Variants in TBCD observed in about 807,000 individuals in gnomAD.
TBCD encodes tubulin-specific chaperone D.
A neutral mutation model predicts 169.3 loss-of-function variants in TBCD; 105 were observed. The ratio of observed to expected loss-of-function variants is 0.62; its 90% CI spans 0.53 to 0.73. TBCD has a LOEUF of 0.73. Among genes scored for constraint, TBCD ranks in the 30% least tolerant of loss-of-function variants. The pLI is 0.00. For missense variants in TBCD, 1,444 were observed against 1,600.1 expected, an observed-to-expected ratio of 0.90 and a Z score of 1.66; for synonymous variants, 700 against 643.9, an observed-to-expected ratio of 1.09 and a Z score of -1.32.
intron 15 of TBCD, among the ~76,000 whole-genome samples, chr17:82,887,510 C>T (rs1198763643): frequency 2.0e-5 from 3 of 152,052 alleles, no homozygotes; most frequent in East Asian, 1.9e-4. Flanking sequence ...TGAGTGGTGC[C>T]GTGGTTTGTG....
intron 30 of TBCD, 38 bp from the exon 31 acceptor site, chr17:82,929,075 C>T (rs139105482): frequency 2.0e-4 from 312 of 1,589,742 alleles, no homozygotes; most frequent in Non-Finnish European, 2.5e-4. Flanking sequence ...CTTAATTTAC[C>T]GCCCGCCCTT....
At chr17:82,760,657 A>G (rs1191500118) in intron 2 of TBCD, among the ~76,000 whole-genome samples, 1 of 152,248 alleles carries the variant, frequency 6.6e-6, no homozygotes, top group East Asian at 1.9e-4. Flanking sequence ...ATTACATACT[A>G]TAGAGTTCAC....
chr17:82,941,335 C>T, intron 37 of TBCD, 64 bp from the exon 38 acceptor site: 1 of 1,416,910 alleles, frequency 7.1e-7, no homozygotes, highest in Non-Finnish European at 9.6e-7. Context: ...GACGCGGGAC[C>T]TCCGCACACC....
At chr17:82,799,435 C>G (rs2050334657) in intron 8 of TBCD, among the ~76,000 whole-genome samples, 1 of 39,830 alleles carries the variant, frequency 2.5e-5, no homozygotes, top group South Asian at 8.2e-4. Flanking sequence ...GAGCAAGACT[C>G]TGTCTCAAAA....
intron 13 of TBCD, among the ~76,000 whole-genome samples, chr17:82,855,333 C>T (rs182671374): frequency 5.2e-4 from 72 of 139,542 alleles, no homozygotes; most frequent in African/African-American, 1.5e-3. Context: ...GGTGTAGTCG[C>T]GGCTCACTGC....
chr17:82,753,684 C>T (rs1336047581), intron 1 of TBCD, among the ~76,000 whole-genome samples: 1 of 150,702 alleles, frequency 6.6e-6, no homozygotes, highest in Non-Finnish European at 1.5e-5. Flanking sequence ...AAACTCCTGA[C>T]CTCAAGTGGT....
At position 82,889,534 on chromosome 17, in the gene TBCD, A is replaced by G. The variant is rs1358448581; in HGVS notation, c.1534-134A>G. 5 of 1,042,166 alleles carry G rather than the reference A, an allele frequency of 4.8e-6. No individual in the cohort carries two copies. In the East Asian group the frequency reaches 1.0e-4, roughly 21 times the overall value. 64.6% of individuals were successfully genotyped at this position (1,042,166 alleles called of 1,614,324 possible). ...AGTGACGCACCTTGAGGCTCTGTTC[A>G]GCCAACAATGAGGGCTTTTATTTAA... On this transcript the variant is annotated intron_variant, in intron 15 of 38. Coordinates refer to ENST00000355528, the MANE Select transcript of TBCD (RefSeq NM_005993.5). The surrounding 1 kb of genome is among the most constrained non-coding windows in gnomAD (Gnocchi z 5.3).
chr17:82,858,939 C>T lies in TBCD; in HGVS notation c.1319-11285C>T, dbSNP rs115887490. Among the ~76,000 whole-genome samples the T allele has an allele frequency of 7.2e-3, 1,102 of 152,332 alleles. 10 individuals carry two copies. Among genetic ancestry groups the T allele is most frequent in the African/African-American group, 0.025 (1,050 of 41,564 alleles). ...GCGGGGGGATGAGTGCGGCTCTCAG[C>T]GCCTCTGTGGGGCTGGGGGTCTTGG... is the stretch of plus-strand genomic sequence containing the variant. On this transcript the variant is annotated intron_variant, in intron 13 of 38. Transcript: ENST00000355528.
Position 82,781,710 on chromosome 17 carries a change from C to T in TBCD, c.760C>T (p.Leu254=). Residue 254 remains leucine (L), a synonymous_variant, in exon 7 of 39, where the codon CTG becomes TTG. Transcript: ENST00000355528. ...MQGVITMDGT[L]QALAQIFKHG... The stretch of plus-strand genomic sequence containing the variant: ...GGGGGTCATCACCATGGATGGGACG[C>T]TGCAGGCCCTGGTAAGTGCTGCCCG... 6.2e-7 allele frequency: 1 copy of T among 1,613,696 alleles called. No individual in the cohort carries two copies. The highest frequency in any genetic ancestry group is 1.3e-5 in the African/African-American group (1 of 75,032).
intron 24 of TBCD, 169 bp from the exon 25 acceptor site, chr17:82,921,332 C>A (rs886931481): frequency 6.2e-6 from 4 of 641,024 alleles, no homozygotes; most frequent in Non-Finnish European, 8.6e-6. Flanking sequence ...GAGGAAGGGG[C>A]CTTAGACTTA....
At chr17:82,910,401 A>C (rs888828816) in intron 22 of TBCD, among the ~76,000 whole-genome samples, 1 of 152,158 alleles carries the variant, frequency 6.6e-6, no homozygotes, top group African/African-American at 2.4e-5. Flanking sequence ...TCTTTCGTGA[A>C]GTTTTTTGCT....
intron 13 of TBCD, among the ~76,000 whole-genome samples, chr17:82,826,456 C>T (rs967976553): frequency 2.6e-5 from 4 of 152,164 alleles, no homozygotes; most frequent in African/African-American, 7.2e-5. Flanking sequence ...TGCTCTGTCA[C>T]CCAGGCTGGA....
chr17:82,918,947 A>C (rs2061245496), intron 23 of TBCD, among the ~76,000 whole-genome samples: 1 of 152,252 alleles, frequency 6.6e-6, no homozygotes, highest in South Asian at 2.1e-4. Flanking sequence ...CCCACGTGGA[A>C]GAAGGTAAAG....
chr17:82,940,353 G>C (rs1351110891), intron 37 of TBCD, among the ~76,000 whole-genome samples: 1 of 152,198 alleles, frequency 6.6e-6, no homozygotes, highest in East Asian at 1.9e-4. Flanking sequence ...GGAGTCCCAG[G>C]TGTCCTGCCT....
Position 82,920,636 on chromosome 17 carries a change from T to C in TBCD, c.2101+18T>C. ...CGTAATTGGTAAGTGCTTTTGTTTT[T>C]AATAATAGCATTTTCTTACAGAATG... On this transcript the variant is annotated intron_variant, in intron 24 of 38. Coordinates refer to ENST00000355528, the MANE Select transcript of TBCD (RefSeq NM_005993.5). The surrounding 1 kb of genome is among the most constrained non-coding windows in gnomAD (Gnocchi z 4.1). The C allele has an allele frequency of 6.5e-7, 1 of 1,535,714 alleles. No homozygotes were observed. Among genetic ancestry groups the C allele is most frequent in the African/African-American group, 1.4e-5 (1 of 72,338 alleles).
chr17:82,753,702 C>G (rs1397823896), intron 1 of TBCD, among the ~76,000 whole-genome samples: 1 of 151,642 alleles, frequency 6.6e-6, no homozygotes, highest in Non-Finnish European at 1.5e-5. Context: ...GGTCGCCCGA[C>G]TCAGCCTCCC....
intron 13 of TBCD, among the ~76,000 whole-genome samples, chr17:82,834,227 C>T (rs545189686): frequency 5.3e-5 from 8 of 152,242 alleles, no homozygotes; most frequent in East Asian, 3.9e-4. Flanking sequence ...GGATTAGAGG[C>T]GTGAGCCACC....
intron 6 of TBCD, among the ~76,000 whole-genome samples, chr17:82,774,783 T>C (rs1218204759): frequency 6.6e-6 from 1 of 152,062 alleles, no homozygotes; most frequent in Non-Finnish European, 1.5e-5. Context: ...CCACGTAAAA[T>C]TGTGTACCGT....
At chr17:82,846,312 C>CGTCCGGCATGCCACGTCCCCTT (rs1555613078) in intron 13 of TBCD, among the ~76,000 whole-genome samples, 4 of 113,734 alleles carry the variant, frequency 3.5e-5, no homozygotes, top group Non-Finnish European at 4.2e-5. Flanking sequence ...CCACGTGCTG[C>CGTCCGGCATGCCACGTCCCCTT]GTCCAGCGTG....
Sources: allele counts gnomAD v4.1 joint callset (sites outside exome capture counted in the v4.1 genomes callset), GRCh38; gene constraint gnomAD v4.1.1; non-coding constraint Gnocchi (gnomAD v3.1); transcripts MANE v1.5; gene names NCBI Gene and HGNC (gene_info 2026-07-23, HGNC 2026-07-21).